PNLIPRP1: variants seen among roughly 807,000 people sequenced by gnomAD.
PNLIPRP1 encodes pancreatic lipase related protein 1.
Under a neutral mutation model 54.6 loss-of-function variants are expected in PNLIPRP1, and 57 were observed. That is an observed-to-expected ratio of 1.04 (90% CI 0.84 to 1.30). PNLIPRP1 has a LOEUF of 1.30. PNLIPRP1 is among the 50% of genes most tolerant of loss of function. The pLI is 0.00. For synonymous variants in PNLIPRP1, 232 were observed against 208.8 expected (o/e 1.11, Z -0.96); for missense variants, 567 against 568.5 (o/e 1.00, Z 0.03).
chr10:116,603,878 G>A (rs1000745637), intron 10 of PNLIPRP1, 152 bp from the exon 11 acceptor site: 3 of 478,026 alleles, frequency 6.3e-6, no homozygotes, highest in South Asian at 3.1e-5. Flanking sequence ...GGGTGACAGA[G>A]TGAGACCCCA....
rs782252814 is a variant in PNLIPRP1, at chr10:116,591,125, T to C, written c.1-5T>C. ...GAGACTGAATTATGTTTAAATTTAT[T>C]GTAGATGCTGATCTTCTGGACAATC... On this transcript the variant is annotated splice_region_variant and splice_polypyrimidine_tract_variant and intron_variant, in intron 1 of 12. Transcript: ENST00000358834. 72 of 1,612,814 alleles carry C rather than the reference T, an allele frequency of 4.5e-5. No individual in the cohort carries two copies. The highest frequency in any genetic ancestry group is 1.6e-4 in the Middle Eastern group (1 of 6,078).
intron 10 of PNLIPRP1, among the ~76,000 whole-genome samples, chr10:116,602,067 G>A (rs1847853691): frequency 1.3e-5 from 2 of 148,812 alleles, no homozygotes; most frequent in Non-Finnish European, 3.0e-5. Flanking sequence ...CCAGGCTGGA[G>A]TGCAGAGGCG....
At chr10:116,595,928 T>A (rs572582951) in intron 5 of PNLIPRP1, 14 of 293,584 alleles carry the variant, frequency 4.8e-5, no homozygotes, top group Non-Finnish European at 9.0e-5. Context: ...TGGCAAGTGC[T>A]TGGGGGATAG....
rs372925153 is a variant in PNLIPRP1 at position 116,609,117 on chromosome 10, G to A, written c.*1G>A. The A allele has an allele frequency of 1.2e-6, 2 of 1,605,946 alleles. No individual in the cohort carries two copies. The highest frequency in any genetic ancestry group is 1.1e-5 in the South Asian group (1 of 90,364). On this transcript the variant is annotated 3_prime_UTR_variant, in exon 13 of 13. Coordinates refer to ENST00000358834, the MANE Select transcript of PNLIPRP1 (RefSeq NM_006229.4). ...GCTGCTCACCCTCACGCCCTGCTAA[G>A]CTCCCGGGGCGACGAGGCTGCTGCG... is the stretch of plus-strand genomic sequence containing the variant.
chr10:116,596,241 G>C lies in PNLIPRP1; in HGVS notation c.493G>C (p.Val165Leu), dbSNP rs1847733328. 6.2e-7 allele frequency: 1 copy of C among 1,613,420 alleles called. No homozygotes were observed. The highest frequency in any genetic ancestry group is 8.5e-7 in the Non-Finnish European group (1 of 1,179,502). The change falls in exon 6 of 13, where the codon GTT (valine) becomes CTT (leucine). Residue 165 changes from valine (V) to leucine (L), a missense_variant. Transcript: ENST00000358834. ...AGAGTATAGCTACCCCCCTTCCAAA[G>C]TTCACCTCATTGGCCACAGCCTGGG... ...LTEYSYPPSKVHLIGHSLGAH... is the reference protein window; with the variant it reads ...LTEYSYPPSKLHLIGHSLGAH...
intron 10 of PNLIPRP1, among the ~76,000 whole-genome samples, chr10:116,602,960 CATGTTGTGT>C (rs1263905831): frequency 2.3e-5 from 3 of 131,870 alleles, no homozygotes; most frequent in African/African-American, 8.3e-5. Context: ...TGCACATGCA[CATGTTGTGT>C]ATATGTATTT....
intron 6 of PNLIPRP1, among the ~76,000 whole-genome samples, 183 bp downstream of exon 6, chr10:116,596,505 G>C (rs1420542703): frequency 6.6e-6 from 1 of 152,138 alleles, no homozygotes; most frequent in Admixed American, 6.5e-5. Context: ...CACCTTCACG[G>C]CAAGGGAAGG....
At chr10:116,606,962 A>C (rs1554865641) in intron 12 of PNLIPRP1, among the ~76,000 whole-genome samples, 1 of 152,046 alleles carries the variant, frequency 6.6e-6, no homozygotes, top group Non-Finnish European at 1.5e-5. Flanking sequence ...GGAAGTAAAA[A>C]CACTGAATTA....
At chr10:116,597,560 T>C (rs781142897) in intron 6 of PNLIPRP1, among the ~76,000 whole-genome samples, 40 of 152,314 alleles carry the variant, frequency 2.6e-4, no homozygotes, top group Admixed American at 7.2e-4. Flanking sequence ...TGGGAGACTC[T>C]GGTGTGGAAA....
At position 116,609,134 on chromosome 10, in the gene PNLIPRP1, G is replaced by T. The variant is rs1417749625; in HGVS notation, c.*18G>T. On this transcript the variant is annotated 3_prime_UTR_variant, in exon 13 of 13. Transcript: ENST00000358834. ...CCTGCTAAGCTCCCGGGGCGACGAGGCTGCTGCGTTCACACTAATAAAATC... is the reference window on the plus strand; with the variant it reads ...CCTGCTAAGCTCCCGGGGCGACGAGTCTGCTGCGTTCACACTAATAAAATC... The T allele has an allele frequency of 1.3e-6, 2 of 1,587,858 alleles. No individual in the cohort carries two copies. The highest frequency in any genetic ancestry group is 1.1e-5 in the South Asian group (1 of 88,516).
At chr10:116,593,837 A>G (rs1366256529) in intron 4 of PNLIPRP1, 1 of 153,704 alleles carries the variant, frequency 6.5e-6, no homozygotes, top group Non-Finnish European at 1.4e-5. Flanking sequence ...AGGCGCCTGT[A>G]GTCCTAGCTA....
intron 11 of PNLIPRP1, among the ~76,000 whole-genome samples, chr10:116,604,528 T>C (rs1448551313): frequency 6.6e-6 from 1 of 152,166 alleles, no homozygotes; most frequent in African/African-American, 2.4e-5. Context: ...GTCCACACAA[T>C]GATTAAATTA....
intron 10 of PNLIPRP1, among the ~76,000 whole-genome samples, chr10:116,603,747 G>T (rs2133240023): frequency 6.6e-6 from 1 of 152,212 alleles, no homozygotes; most frequent in African/African-American, 2.4e-5. Context: ...ACAAAAATTA[G>T]CCAGGCGTGA....
At chr10:116,607,572 G>C (rs17095012) in intron 12 of PNLIPRP1, among the ~76,000 whole-genome samples, 3,244 of 152,200 alleles carry the variant, frequency 0.021, 117 homozygotes, top group African/African-American at 0.074. Flanking sequence ...AGGGGCGACA[G>C]GGCCCAAGTG....
intron 4 of PNLIPRP1, 181 bp downstream of exon 4, chr10:116,592,722 C>T (rs1554863415): frequency 1.3e-6 from 1 of 750,296 alleles, no homozygotes; most frequent in East Asian, 2.8e-5. Flanking sequence ...CACACTGAAG[C>T]AACCACATTT....
At chr10:116,605,354 G>A (rs1231152077) in intron 11 of PNLIPRP1, 32 bp from the exon 12 acceptor site, 2 of 1,442,482 alleles carry the variant, frequency 1.4e-6, no homozygotes, top group Non-Finnish European at 1.9e-6. Context: ...TCATTTCCGT[G>A]AACAGGGATG....
chr10:116,594,947 G>T, intron 5 of PNLIPRP1, 83 bp downstream of exon 5: 1 of 1,488,712 alleles, frequency 6.7e-7, no homozygotes, highest in South Asian at 1.2e-5. Context: ...GAGAGTTATG[G>T]ATTAAAGAAG....
chr10:116,604,097 G>C lies in PNLIPRP1; in HGVS notation c.1131G>C (p.Leu377Phe), dbSNP rs1554865215. 1 of 1,613,292 alleles carries C rather than the reference G, an allele frequency of 6.2e-7. No individual in the cohort carries two copies. Among genetic ancestry groups the C allele is most frequent in the East Asian group, 2.2e-5 (1 of 44,860 alleles). ...RTATGQIKVA[L>F]FGNKGNTHQY... ...CCACTGGTCAGATCAAAGTTGCTTT[G>C]TTTGGAAATAAGGGAAACACTCACC... The change falls in exon 11 of 13, where the codon TTG (leucine) becomes TTC (phenylalanine). Residue 377 changes from leucine to phenylalanine, a missense_variant. Coordinates refer to ENST00000358834, the MANE Select transcript of PNLIPRP1 (RefSeq NM_006229.4).
chr10:116,603,998 G>A (rs370517970), intron 10 of PNLIPRP1, 32 bp from the exon 11 acceptor site: 3 of 1,350,850 alleles, frequency 2.2e-6, no homozygotes, highest in East Asian at 4.6e-5. Flanking sequence ...TTTTGTGTGT[G>A]AATAAATTGA....
Sources: allele counts gnomAD v4.1 joint callset (sites outside exome capture counted in the v4.1 genomes callset), GRCh38; gene constraint gnomAD v4.1.1; transcripts MANE v1.5; gene names NCBI Gene and HGNC (gene_info 2026-07-23, HGNC 2026-07-21).